The following MYO9A variants were observed in gnomAD, a reference collection of about 807,000 sequenced individuals.
MYO9A encodes unconventional myosin-IXa.
A neutral mutation model predicts 293.3 loss-of-function variants in MYO9A; 103 were observed. The ratio of observed to expected loss-of-function variants is 0.35; its 90% CI spans 0.30 to 0.41. The LOEUF is 0.41. Among genes scored for constraint, MYO9A ranks in the 10% least tolerant of loss-of-function variants. MYO9A has a pLI of 1.00. For synonymous variants in MYO9A, 1,001 were observed against 1,035.7 expected (o/e 0.97, Z 0.64); for missense variants, 2,685 against 3,033.0 (o/e 0.89, Z 2.69).
At chr15:71,967,555 C>A (rs1043989129) in intron 13 of MYO9A, among the ~76,000 whole-genome samples, 1 of 152,028 alleles carries the variant, frequency 6.6e-6, no homozygotes, top group African/African-American at 2.4e-5. Context: ...AAATGGACAA[C>A]ATTATTAAGA....
chr15:72,003,452 T>G (rs746908628), intron 8 of MYO9A, among the ~76,000 whole-genome samples: 1 of 151,594 alleles, frequency 6.6e-6, no homozygotes, highest in Non-Finnish European at 1.5e-5. Flanking sequence ...ACCCCAGCAC[T>G]TTGGAAGGCC....
At chr15:71,940,502 C>T (rs375690467) in intron 15 of MYO9A, among the ~76,000 whole-genome samples, 20 of 144,478 alleles carry the variant, frequency 1.4e-4, no homozygotes, top group African/African-American at 3.3e-4. Context: ...GGAGCGGGGA[C>T]GGGGTTGGGG....
At chr15:71,993,968 A>G (rs2148482290) in intron 10 of MYO9A, among the ~76,000 whole-genome samples, 1 of 152,006 alleles carries the variant, frequency 6.6e-6, no homozygotes, top group South Asian at 2.1e-4. Flanking sequence ...AAAAAAAAAA[A>G]AAACAGCAAT....
rs559996574 is a variant in MYO9A at position 72,110,364 on chromosome 15, A to G, written c.-72+7316T>C. On this transcript the variant is annotated intron_variant, in intron 1 of 41. Transcript: ENST00000356056. ...GGCAGGAGAATCACTTGAACCCGGA[A>G]GCCGGAGGTTGCAGTGAGCCGAAAT... 1.4e-3 allele frequency among the ~76,000 whole-genome samples: 202 copies of G among 149,518 alleles called. 1 individual carries two copies. Among genetic ancestry groups the G allele is most frequent in the South Asian group, 6.0e-3 (28 of 4,652 alleles).
At chr15:71,973,168 C>T (rs2076056470) in intron 12 of MYO9A, among the ~76,000 whole-genome samples, 1 of 152,200 alleles carries the variant, frequency 6.6e-6, no homozygotes, top group South Asian at 2.1e-4. Flanking sequence ...AACAAAGTAC[C>T]TCTGAGACAT....
At chr15:71,877,173 T>G (rs192445582) in intron 31 of MYO9A, among the ~76,000 whole-genome samples, 1 of 152,332 alleles carries the variant, frequency 6.6e-6, no homozygotes, top group East Asian at 1.9e-4. Flanking sequence ...CATTGATAAC[T>G]TTGTCTAAGC....
intron 1 of MYO9A, among the ~76,000 whole-genome samples, chr15:72,051,689 C>T (rs530719215): frequency 6.6e-6 from 1 of 152,286 alleles, no homozygotes; most frequent in Admixed American, 6.5e-5. Context: ...GCACACGCTC[C>T]AGATAGCACT....
At chr15:72,109,111 G>A (rs1206414704) in intron 1 of MYO9A, among the ~76,000 whole-genome samples, 3 of 152,082 alleles carry the variant, frequency 2.0e-5, no homozygotes, top group African/African-American at 7.2e-5. Flanking sequence ...ATCACAGCCG[G>A]GCGTGGTGGC....
chr15:72,092,153 C>T (rs188687349), intron 1 of MYO9A, among the ~76,000 whole-genome samples: 3 of 152,284 alleles, frequency 2.0e-5, no homozygotes, highest in Admixed American at 2.0e-4. Context: ...CAAACTCAGG[C>T]TTTGGTTTTC....
At chr15:71,844,567 C>G (rs1302632209) in intron 39 of MYO9A, among the ~76,000 whole-genome samples, 1 of 152,088 alleles carries the variant, frequency 6.6e-6, no homozygotes, top group African/African-American at 2.4e-5. Flanking sequence ...TTGAAACTCA[C>G]TTTTTCATTT....
chr15:71,910,168 G>GTATA (rs377474158), intron 19 of MYO9A, among the ~76,000 whole-genome samples: 25 of 128,330 alleles, frequency 1.9e-4, no homozygotes, highest in Non-Finnish European at 3.9e-4. Flanking sequence ...ATATATACGT[G>GTATA]TATATATATA....
intron 1 of MYO9A, among the ~76,000 whole-genome samples, chr15:72,097,286 T>C (rs1344115788): frequency 6.6e-6 from 1 of 152,236 alleles, no homozygotes; most frequent in Admixed American, 6.5e-5. Flanking sequence ...CAGCATCCAC[T>C]ATCCTGATTA....
intron 1 of MYO9A, among the ~76,000 whole-genome samples, chr15:72,107,943 T>A (rs2080633951): frequency 2.0e-5 from 3 of 152,224 alleles, no homozygotes; most frequent in African/African-American, 7.2e-5. Context: ...TACTGTTCTC[T>A]TTTAATAGGA....
intron 1 of MYO9A, among the ~76,000 whole-genome samples, chr15:72,108,573 T>C (rs941109452): frequency 1.3e-5 from 2 of 152,116 alleles, no homozygotes; most frequent in East Asian, 1.9e-4. Context: ...ATGCAAAAAC[T>C]AAAAGTGAGT....
At chr15:72,019,791 C>T (rs1253113324) in intron 5 of MYO9A, among the ~76,000 whole-genome samples, 1 of 152,030 alleles carries the variant, frequency 6.6e-6, no homozygotes, top group Non-Finnish European at 1.5e-5. Context: ...GCTCTGTTGC[C>T]CAGGCTGGAG....
chr15:71,848,969 CTG>C lies in MYO9A; in HGVS notation c.6714-3_6714-2del, dbSNP rs1302528103. ...TTCCACAACAATCAGTTCCACACAA[CTG>C]AAACAGAAGGAAAGAGAAAAAAACT... On this transcript the variant is annotated splice_acceptor_variant and splice_polypyrimidine_tract_variant and intron_variant, in intron 38 of 41. Coordinates refer to ENST00000356056, the MANE Select transcript of MYO9A (RefSeq NM_006901.4). LOFTEE classifies it high-confidence loss of function. 1 of 1,584,824 alleles carries C rather than the reference CTG, an allele frequency of 6.3e-7. No homozygotes were observed. Among genetic ancestry groups the C allele is most frequent in the Non-Finnish European group, 8.5e-7 (1 of 1,171,290 alleles).
chr15:71,929,657 T>C (rs12917428), intron 18 of MYO9A, among the ~76,000 whole-genome samples: 29,771 of 152,212 alleles, frequency 0.2, 3,197 homozygotes, highest in East Asian at 0.41. Context: ...TGGTAAATGA[T>C]CCTTTCAATG....
chr15:72,019,950 C>T (rs932066799), intron 5 of MYO9A, among the ~76,000 whole-genome samples: 3 of 152,062 alleles, frequency 2.0e-5, no homozygotes, highest in South Asian at 2.1e-4. Flanking sequence ...CAAGGTTTCA[C>T]GATGTTGGCC....
chr15:71,926,293 G>T (rs796464843), intron 18 of MYO9A, among the ~76,000 whole-genome samples: 1 of 152,196 alleles, frequency 6.6e-6, no homozygotes, highest in South Asian at 2.1e-4. Context: ...GCCATGCACC[G>T]TGGTATATGC....
Sources: gnomAD v4.1 joint callset for allele counts (sites outside exome capture counted in the v4.1 genomes callset) on GRCh38, gnomAD v4.1.1 for gene constraint, MANE v1.5 for transcripts, NCBI Gene and HGNC (gene_info 2026-07-23, HGNC 2026-07-21) for gene names.